SNX29: variants seen among roughly 807,000 people sequenced by gnomAD.
SNX29 encodes the protein sorting nexin-29.
In SNX29, 78 loss-of-function variants were observed where a neutral mutation model predicts 102.1. The ratio of observed to expected loss-of-function variants is 0.76; its 90% CI spans 0.64 to 0.92. The LOEUF (loss-of-function observed/expected upper bound fraction) is 0.92, where lower values mean the gene tolerates loss of function less well. Among genes scored for constraint, SNX29 ranks in the 40% least tolerant of loss-of-function variants. The pLI, the probability that SNX29 is intolerant of heterozygous loss-of-function variation, is 0.00. For missense variants in SNX29, 1,280 were observed against 1,061.7 expected, an observed-to-expected ratio of 1.21 and a Z score of -2.86; for synonymous variants, 580 against 414.5, an observed-to-expected ratio of 1.40 and a Z score of -4.85.
At chr16:12,560,906 C>T (rs903054062) in intron 20 of SNX29, 1 of 194,748 alleles carries the variant, frequency 5.1e-6, no homozygotes, top group African/African-American at 2.3e-5. Flanking sequence ...CTTTTTTAAT[C>T]CTTTTAAAAT....
rs61655532 is a variant in SNX29 at position 12,075,993 on chromosome 16, A to C, written c.1320-2840A>C. 2.8e-3 allele frequency among the ~76,000 whole-genome samples: 420 copies of C among 152,228 alleles called. 2 individuals are homozygous for C. Among genetic ancestry groups the C allele is most frequent in the African/African-American group, 9.5e-3 (396 of 41,542 alleles). ...GCCAGGTGCGGGATATAATCTCCTC[A>C]CGCGCTGTTTCCTAAGCCCTTCGGA... On this transcript the variant is annotated intron_variant, in intron 10 of 20. Transcript: ENST00000566228.
intron 18 of SNX29, among the ~76,000 whole-genome samples, chr16:12,452,253 G>A (rs2086334258): frequency 6.6e-6 from 1 of 150,834 alleles, no homozygotes; most frequent in Non-Finnish European, 1.5e-5. Context: ...GGGACATTTG[G>A]CAATGCCTGA....
At chr16:12,009,433 A>G (rs2056570912) in intron 3 of SNX29, among the ~76,000 whole-genome samples, 1 of 150,064 alleles carries the variant, frequency 6.7e-6, no homozygotes, top group South Asian at 2.1e-4. Flanking sequence ...ATGTATATAT[A>G]TATTTTTATA....
At chr16:12,354,789 T>C (rs1237263030) in intron 15 of SNX29, among the ~76,000 whole-genome samples, 1 of 152,222 alleles carries the variant, frequency 6.6e-6, no homozygotes, top group Non-Finnish European at 1.5e-5. Flanking sequence ...CTCAACCTTT[T>C]CTTATCCAAA....
At chr16:12,376,735 T>TCA (rs2082887140) in intron 16 of SNX29, among the ~76,000 whole-genome samples, 1 of 12,948 alleles carries the variant, frequency 7.7e-5, no homozygotes, top group Non-Finnish European at 2.6e-4. Flanking sequence ...AGACTCTGTC[T>TCA]CAAAAAAAAA....
intron 10 of SNX29, among the ~76,000 whole-genome samples, chr16:12,076,117 C>T (rs1278998539): frequency 6.6e-6 from 1 of 152,200 alleles, no homozygotes. Context: ...CCTTGCGCTT[C>T]CCGAGTGAGG....
chr16:12,162,558 A>C (rs2055834703), intron 13 of SNX29, among the ~76,000 whole-genome samples: 1 of 152,242 alleles, frequency 6.6e-6, no homozygotes, highest in Admixed American at 6.5e-5. Context: ...AACTTCATTC[A>C]CAGAAACAGA....
intron 18 of SNX29, among the ~76,000 whole-genome samples, chr16:12,471,580 T>C (rs1405415229): frequency 6.6e-6 from 1 of 152,204 alleles, no homozygotes; most frequent in African/African-American, 2.4e-5. Context: ...CGTGGATGTG[T>C]ACCCACAGAG....
chr16:12,572,232 G>T lies in SNX29; in HGVS notation c.*3603G>T. The stretch of plus-strand genomic sequence containing the variant: ...TAAAAACCAGAGGCTCCTGAAAGTC[G>T]TTTACACCAGGTGGATTGATACCAT... On this transcript the variant is annotated 3_prime_UTR_variant, in exon 21 of 21. Coordinates refer to ENST00000566228, the MANE Select transcript of SNX29 (RefSeq NM_032167.5). 1 of 1,032,198 alleles carries T rather than the reference G, an allele frequency of 9.7e-7. No homozygotes were observed. The highest frequency in any genetic ancestry group is 1.2e-6 in the Non-Finnish European group (1 of 849,844). The allele number at this position is 1,032,198 out of a possible 1,614,324, so 63.9% of individuals were successfully genotyped here. A position where few individuals can be genotyped will look rare whatever the true frequency, so the allele number is the denominator to read the frequency against.
rs2079189269 is a variant in SNX29, at chr16:12,571,611, A to G, written c.*2982A>G. Reference sequence around the variant, plus strand: ...GTGCTGAAACAGAACAGCAGGTTCCATCTTTCACATCTTTTTTTCTCCCCC... The same window carrying G: ...GTGCTGAAACAGAACAGCAGGTTCCGTCTTTCACATCTTTTTTTCTCCCCC... On this transcript the variant is annotated 3_prime_UTR_variant, in exon 21 of 21. Coordinates refer to ENST00000566228, the MANE Select transcript of SNX29 (RefSeq NM_032167.5). The G allele has an allele frequency of 1.9e-6, 2 of 1,059,900 alleles. No individual in the cohort carries two copies. Among genetic ancestry groups the G allele is most frequent in the Non-Finnish European group, 2.3e-6 (2 of 875,930 alleles). The allele number at this position is 1,059,900 out of a possible 1,614,324, so 65.7% of individuals were successfully genotyped here. A position where few individuals can be genotyped will look rare whatever the true frequency, so the allele number is the denominator to read the frequency against.
chr16:12,231,068 G>A (rs111795926), intron 14 of SNX29, among the ~76,000 whole-genome samples: 2,545 of 152,142 alleles, frequency 0.017, 73 homozygotes, highest in African/African-American at 0.059. Context: ...GGCCAGGCTG[G>A]TCCCGAACTC....
intron 14 of SNX29, among the ~76,000 whole-genome samples, chr16:12,237,596 C>T (rs1033022323): frequency 1.3e-5 from 2 of 151,098 alleles, no homozygotes; most frequent in Non-Finnish European, 2.9e-5. Context: ...CATGGTGAAA[C>T]CCCCGTCTCT....
chr16:12,269,058 T>A (rs779513408), intron 14 of SNX29, among the ~76,000 whole-genome samples: 24 of 152,232 alleles, frequency 1.6e-4, no homozygotes, highest in African/African-American at 5.8e-4. Context: ...AAATTAGTTC[T>A]TGTTGAACAT....
chr16:12,266,974 G>C (rs1021462592), intron 14 of SNX29, among the ~76,000 whole-genome samples: 1 of 152,022 alleles, frequency 6.6e-6, no homozygotes, highest in African/African-American at 2.4e-5. Flanking sequence ...TGTTGGCCAG[G>C]CTGGTCTCGA....
intron 16 of SNX29, among the ~76,000 whole-genome samples, chr16:12,381,879 C>G (rs2083177897): frequency 6.7e-6 from 1 of 149,316 alleles, no homozygotes; most frequent in Admixed American, 6.7e-5. Context: ...CATCATGCAT[C>G]CTCCCATTCA....
At chr16:12,377,190 C>T (rs1257707021) in intron 16 of SNX29, among the ~76,000 whole-genome samples, 1 of 152,212 alleles carries the variant, frequency 6.6e-6, no homozygotes, top group African/African-American at 2.4e-5. Context: ...TCAGTTTTCA[C>T]AGCTGTAAAA....
At chr16:12,044,146 G>A (rs2049996246) in intron 5 of SNX29, among the ~76,000 whole-genome samples, 1 of 152,196 alleles carries the variant, frequency 6.6e-6, no homozygotes, top group Admixed American at 6.5e-5. Context: ...TCCTGTTCTG[G>A]TTCCTTAAGT....
At chr16:12,549,957 T>G (rs1172266464) in intron 20 of SNX29, among the ~76,000 whole-genome samples, 5 of 152,232 alleles carry the variant, frequency 3.3e-5, no homozygotes, top group African/African-American at 1.2e-4. Flanking sequence ...AAAGTTTTAT[T>G]GGAACATGCC....
intron 14 of SNX29, among the ~76,000 whole-genome samples, chr16:12,216,609 T>C (rs987319585): frequency 6.6e-6 from 1 of 152,186 alleles, no homozygotes; most frequent in South Asian, 2.1e-4. Flanking sequence ...CTGGGAAGCC[T>C]TATAGCATGA....
Sources: gnomAD v4.1 joint callset for allele counts (sites outside exome capture counted in the v4.1 genomes callset) on GRCh38, gnomAD v4.1.1 for gene constraint, MANE v1.5 for transcripts, NCBI Gene and HGNC (gene_info 2026-07-23, HGNC 2026-07-21) for gene names.